Variants in DARS1 observed in about 807,000 individuals in gnomAD.
The protein encoded by DARS1 is aspartate--tRNA ligase, cytoplasmic.
A neutral mutation model predicts 68.8 loss-of-function variants in DARS1; 51 were observed. The ratio of observed to expected loss-of-function variants is 0.74; its 90% CI spans 0.59 to 0.94. The LOEUF is 0.94. Ranked by LOEUF, DARS1 falls within the 40% of genes least tolerant of loss-of-function variation. The pLI, the probability that DARS1 is intolerant of heterozygous loss-of-function variation, is 0.00. For missense variants in DARS1, 607 were observed against 597.3 expected (o/e 1.02, Z -0.17); for synonymous variants, 203 against 190.4 (o/e 1.07, Z -0.55).
chr2:135,982,954 CA>C (rs1300555632), intron 2 of DARS1, among the ~76,000 whole-genome samples: 22 of 151,970 alleles, frequency 1.4e-4, no homozygotes, highest in African/African-American at 4.8e-4. Flanking sequence ...TGGGAAGAGT[CA>C]AGCAAAATAG....
Position 135,943,390 on chromosome 2 carries a change from T to G in DARS1, c.411A>C (p.Leu137Phe). ...TGAAAAAACTTACCTTCTGAACATG[T>G]AACTCAACGTCTTGCTGTGTACAGC... ...IGSCTQQDVE[L>F]HVQKIYVISL... The change falls in exon 5 of 16, where the codon TTA becomes TTC. Residue 137 changes from leucine to phenylalanine, a missense_variant. Leu to Phe is a conservative substitution (Grantham distance 22). Transcript: ENST00000264161. 1 of 1,612,200 alleles carries G rather than the reference T, an allele frequency of 6.2e-7. No homozygotes were observed. Among genetic ancestry groups the G allele is most frequent in the Non-Finnish European group, 8.5e-7 (1 of 1,179,316 alleles).
intron 7 of DARS1, among the ~76,000 whole-genome samples, chr2:135,925,762 G>C (rs905651100): frequency 6.6e-6 from 1 of 152,104 alleles, no homozygotes; most frequent in African/African-American, 2.4e-5. Context: ...ATGTGGTTTA[G>C]TGAAACGTCT....
rs145183423 is a variant in DARS1, at chr2:135,961,752, C to G, written c.218-254G>C. On this transcript the variant is annotated intron_variant, in intron 3 of 15. Transcript: ENST00000264161. ...ACTTGTTATAAGAACACAGGCAAAT[C>G]ACCAATTTCAAAAAAACTTCTAAAT... is the stretch of plus-strand genomic sequence containing the variant. Among the ~76,000 whole-genome samples the G allele has an allele frequency of 3.2e-3, 483 of 152,294 alleles. 14 individuals carry two copies. Among genetic ancestry groups the G allele is most frequent in the Admixed American group, 0.025 (376 of 15,300 alleles).
chr2:135,953,930 T>A (rs980411358), intron 4 of DARS1, among the ~76,000 whole-genome samples: 32 of 151,768 alleles, frequency 2.1e-4, no homozygotes, highest in Non-Finnish European at 3.8e-4. Flanking sequence ...TATTTAATTT[T>A]TTTTTTTGTA....
intron 3 of DARS1, among the ~76,000 whole-genome samples, chr2:135,973,155 A>T (rs898398588): frequency 2.0e-5 from 3 of 152,222 alleles, no homozygotes; most frequent in Non-Finnish European, 4.4e-5. Flanking sequence ...ACAACAGCCA[A>T]TATTTGGAAG....
At chr2:135,974,282 G>A (rs1682449882) in intron 3 of DARS1, among the ~76,000 whole-genome samples, 1 of 152,212 alleles carries the variant, frequency 6.6e-6, no homozygotes, top group Admixed American at 6.5e-5. Context: ...GACCACAAAA[G>A]TGCTGCAAGT....
chr2:135,964,381 AG>A (rs1414147709), intron 3 of DARS1, among the ~76,000 whole-genome samples: 2 of 152,234 alleles, frequency 1.3e-5, no homozygotes, highest in African/African-American at 4.8e-5. Flanking sequence ...ACTCACAGGT[AG>A]GTACAGAAGA....
At chr2:135,956,953 C>T (rs967173125) in intron 4 of DARS1, among the ~76,000 whole-genome samples, 3 of 151,660 alleles carry the variant, frequency 2.0e-5, no homozygotes, top group African/African-American at 4.8e-5. Context: ...TTAGTAGAGA[C>T]GGGGTTTCAC....
At chr2:135,932,942 G>T in intron 6 of DARS1, 100 bp from the exon 7 acceptor site, 1 of 656,520 alleles carries the variant, frequency 1.5e-6, no homozygotes. Context: ...TAATTGAGTA[G>T]GATGTGTGTA....
At chr2:135,921,182 C>T (rs1324059232) in intron 9 of DARS1, among the ~76,000 whole-genome samples, 2 of 150,286 alleles carry the variant, frequency 1.3e-5, no homozygotes, top group South Asian at 2.1e-4. Context: ...GACTCTAGTT[C>T]GACTCATCTT....
At chr2:135,957,526 T>TA (rs901440849) in intron 4 of DARS1, among the ~76,000 whole-genome samples, 28 of 152,040 alleles carry the variant, frequency 1.8e-4, no homozygotes, top group African/African-American at 6.8e-4. Flanking sequence ...CCGACTAATT[T>TA]AAAAAAAATT....
chr2:135,965,537 G>A (rs1381174772), intron 3 of DARS1, among the ~76,000 whole-genome samples: 3 of 152,128 alleles, frequency 2.0e-5, no homozygotes, highest in African/African-American at 7.2e-5. Context: ...TCTCAAATGA[G>A]CAAAGATTTA....
chr2:135,910,951 A>C (rs539573634), intron 15 of DARS1, 188 bp downstream of exon 15: 2 of 493,738 alleles, frequency 4.1e-6, no homozygotes, highest in East Asian at 3.6e-5. Context: ...CTAAATTCTT[A>C]AGAGAAAAAA....
intron 15 of DARS1, among the ~76,000 whole-genome samples, chr2:135,908,141 T>C (rs75753154): frequency 0.17 from 26,138 of 152,178 alleles, 2,644 homozygotes; most frequent in Middle Eastern, 0.41. Flanking sequence ...ATGCTACAAT[T>C]TGTGTAAAAA....
intron 10 of DARS1, among the ~76,000 whole-genome samples, chr2:135,918,111 G>A (rs920741233): frequency 6.6e-6 from 1 of 151,914 alleles, no homozygotes; most frequent in African/African-American, 2.4e-5. Context: ...AGTAGAGATG[G>A]GGTTTCACCA....
At chr2:135,911,654 A>T in intron 13 of DARS1, 161 bp from the exon 14 acceptor site, 1 of 534,538 alleles carries the variant, frequency 1.9e-6, no homozygotes. Flanking sequence ...TGAGGGCTGA[A>T]TAACTTTTTC....
intron 8 of DARS1, among the ~76,000 whole-genome samples, chr2:135,923,706 A>C (rs527572288): frequency 4.1e-4 from 63 of 152,370 alleles, no homozygotes; most frequent in South Asian, 1.4e-3. Context: ...AAAATGATTA[A>C]GACAAGATTC....
chr2:135,985,648 G>C, upstream of DARS1: 2 of 1,415,846 alleles, frequency 1.4e-6, no homozygotes, highest in Non-Finnish European at 1.9e-6. Context: ...CGGCTATCTC[G>C]AGATCCCGGA....
At chr2:135,941,799 C>T (rs1032425392) in intron 5 of DARS1, among the ~76,000 whole-genome samples, 2 of 151,348 alleles carry the variant, frequency 1.3e-5, no homozygotes, top group Non-Finnish European at 2.9e-5. Flanking sequence ...CAATGAACTC[C>T]AACAAATTTA....
Sources: allele counts gnomAD v4.1 joint callset (sites outside exome capture counted in the v4.1 genomes callset), GRCh38; gene constraint gnomAD v4.1.1; transcripts MANE v1.5; gene names NCBI Gene and HGNC (gene_info 2026-07-23, HGNC 2026-07-21).